The following ARAP2 variants were observed in gnomAD, a reference collection of about 807,000 sequenced individuals.
The protein encoded by ARAP2 is arf-GAP with Rho-GAP domain, ANK repeat and PH domain-containing protein 2.
In ARAP2, 148 loss-of-function variants were observed where a neutral mutation model predicts 194.5. The observed-to-expected ratio is 0.76, with a 90% CI of 0.67 to 0.87. The LOEUF (loss-of-function observed/expected upper bound fraction) is 0.87. ARAP2 is among the 40% of genes least tolerant of loss of function. The pLI is 0.00. For missense variants in ARAP2, 2,128 were observed against 1,989.7 expected, an observed-to-expected ratio of 1.07 and a Z score of -1.32; for synonymous variants, 695 against 683.5, an observed-to-expected ratio of 1.02 and a Z score of -0.26.
At chr4:36,038,367 T>C (rs1315380507) in intron 5 of ARAP2, among the ~76,000 whole-genome samples, 2 of 152,208 alleles carry the variant, frequency 1.3e-5, no homozygotes, top group African/African-American at 4.8e-5. Flanking sequence ...TTAAAAAGCC[T>C]CATGTGTTTC....
chr4:36,160,119 A>G, intron 13 of ARAP2: 1 of 995,966 alleles, frequency 1.0e-6, no homozygotes, highest in Non-Finnish European at 1.2e-6. Flanking sequence ...TTTGCCTTGA[A>G]ATAATAAGCT....
rs1285173569 is a variant in ARAP2, at chr4:36,136,806, T to C, written c.3264-3417A>G. The stretch of plus-strand genomic sequence containing the variant: ...ATATGTGTGTGTGTGTGTGTGTGTG[T>C]GTGTGTGTGTGTGCGTGTCTGTGTA... On this transcript the variant is annotated intron_variant, in intron 19 of 32. Coordinates refer to ENST00000303965, the MANE Select transcript of ARAP2 (RefSeq NM_015230.4). 6.2e-3 allele frequency among the ~76,000 whole-genome samples: 795 copies of C among 128,330 alleles called. 11 individuals carry two copies. Among genetic ancestry groups the C allele is most frequent in the African/African-American group, 0.02 (749 of 37,762 alleles). The allele number at this position is 128,330 out of a possible 152,430, so 84.2% of individuals were successfully genotyped here.
rs754531713 is a variant in ARAP2 at position 36,121,323 on chromosome 4, A to G, written c.3750T>C (p.Val1250=). The G allele has an allele frequency of 6.3e-7, 1 of 1,587,144 alleles. No individual in the cohort carries two copies. Among genetic ancestry groups the G allele is most frequent in the South Asian group, 1.2e-5 (1 of 86,392 alleles). ...TGTGATTGATTTCTGAGCATTTCTG[A>G]ACCCTGTCAGAGAAAAGCATAGTTT... ...LAAIIEHLYR[V]QKCSEINHMN... The change falls in exon 23 of 33, where the codon GTT becomes GTC. Residue 1250 remains valine (V), a synonymous_variant. Transcript: ENST00000303965.
intron 1 of ARAP2, among the ~76,000 whole-genome samples, chr4:36,239,138 T>C (rs1753018165): frequency 6.6e-6 from 1 of 152,006 alleles, no homozygotes; most frequent in South Asian, 2.1e-4. Context: ...TAGCAGGGCA[T>C]GGTGGCACAC....
At chr4:36,149,133 C>T (rs1254989433) in intron 16 of ARAP2, among the ~76,000 whole-genome samples, 1 of 152,108 alleles carries the variant, frequency 6.6e-6, no homozygotes, top group Non-Finnish European at 1.5e-5. Context: ...GTGTGCTATT[C>T]TTACCTAAAA....
intron 27 of ARAP2, among the ~76,000 whole-genome samples, chr4:36,103,723 T>C (rs1717637711): frequency 6.6e-6 from 1 of 151,782 alleles, no homozygotes; most frequent in African/African-American, 2.4e-5. Flanking sequence ...ACACACTTAC[T>C]CCTATCTAAC....
Position 36,048,738 on chromosome 4 carries a change from C to A in ARAP2, n.370-1889G>T, listed in dbSNP as rs188545450. ...GGGTATATAGCCAGCAATGGGATTA[C>A]TGGGTTGAATGGTACTTTTAAGTTT... On this transcript the variant is annotated intron_variant and non_coding_transcript_variant, in intron 3 of 12. Coordinates refer to the ARAP2 transcript ENST00000503225. 3.3e-5 allele frequency among the ~76,000 whole-genome samples: 5 copies of A among 152,106 alleles called. No homozygotes were observed. The East Asian group carries it at 9.7e-4, about 29-fold the overall frequency.
rs140494209 is a variant in ARAP2, at chr4:36,068,262, A to G, written c.4760T>C (p.Leu1587Pro). 2 of 1,555,190 alleles carry G rather than the reference A, an allele frequency of 1.3e-6. No homozygotes were observed. The highest frequency in any genetic ancestry group is 4.1e-5 in the Admixed American group (2 of 48,612). ...CTTTTCACTGAGCCGCAGCCTTTCAAGTTCTGCTCTTGCACTCTAAAAATA... is the reference window on the plus strand; with the variant it reads ...CTTTTCACTGAGCCGCAGCCTTTCAGGTTCTGCTCTTGCACTCTAAAAATA... ...RKNIESARAE[L>P]ERLRLSEKCD... The change falls in exon 33 of 33, where the codon CTT becomes CCT. Residue 1587 changes from leucine to proline, a missense_variant. Leu to Pro is a moderately conservative substitution (Grantham distance 98, BLOSUM62 -3). Transcript: ENST00000303965.
At chr4:36,205,538 G>A (rs927400667) in intron 6 of ARAP2, among the ~76,000 whole-genome samples, 8 of 151,468 alleles carry the variant, frequency 5.3e-5, no homozygotes, top group African/African-American at 1.7e-4. Flanking sequence ...ATTTATCAAA[G>A]TATGAACTGA....
intron 1 of ARAP2, chr4:36,243,951 G>T (rs1023911411): frequency 6.6e-6 from 1 of 152,226 alleles, no homozygotes; most frequent in Non-Finnish European, 1.5e-5. Flanking sequence ...CACCCTCCCG[G>T]GTCAAATCCC....
intron 15 of ARAP2, among the ~76,000 whole-genome samples, chr4:36,154,123 C>T (rs1435239873): frequency 6.6e-6 from 1 of 152,118 alleles, no homozygotes; most frequent in East Asian, 1.9e-4. Flanking sequence ...GAACTATATA[C>T]ATTCAACTCA....
At chr4:36,095,848 T>C (rs1041738556) in intron 27 of ARAP2, among the ~76,000 whole-genome samples, 1 of 152,102 alleles carries the variant, frequency 6.6e-6, no homozygotes, top group Non-Finnish European at 1.5e-5. Context: ...AGCCATGATA[T>C]GGTCATTATG....
At chr4:36,235,425 G>A (rs567964342) in intron 1 of ARAP2, among the ~76,000 whole-genome samples, 4 of 151,938 alleles carry the variant, frequency 2.6e-5, no homozygotes, top group South Asian at 4.1e-4. Context: ...CAGCATATAC[G>A]TATGTCTCCA....
chr4:36,140,706 G>A (rs1028789938), intron 19 of ARAP2, among the ~76,000 whole-genome samples: 4 of 151,616 alleles, frequency 2.6e-5, no homozygotes, highest in African/African-American at 7.3e-5. Flanking sequence ...ACTAAACTTA[G>A]GGTGCTAATC....
intron 13 of ARAP2, chr4:36,160,227 C>G (rs1227748414): frequency 6.3e-6 from 7 of 1,113,250 alleles, no homozygotes; most frequent in Admixed American, 5.4e-5. Context: ...CAGATTGTGG[C>G]AACAAGAGTT....
chr4:36,230,569 A>C (rs13136192), intron 1 of ARAP2, among the ~76,000 whole-genome samples: 64,414 of 152,104 alleles, frequency 0.42, 14,007 homozygotes, highest in Middle Eastern at 0.48. Flanking sequence ...ATTTTTCTCC[A>C]AAACAAAATA....
Position 36,117,061 on chromosome 4 carries a change from C to T in ARAP2, c.4038G>A (p.Arg1346=). ...CTTTACATCCACCTTTAGAACTTAC[C>T]CGAATTATAATACTACAGTCGGGTT... ...RKEPDCSIII[R]ISPVMEAEEL... Residue 1346 remains arginine, a splice_region_variant and synonymous_variant, in exon 25 of 33, where the codon CGG becomes CGA. Transcript: ENST00000303965. 1 of 1,582,486 alleles carries T rather than the reference C, an allele frequency of 6.3e-7. No homozygotes were observed. The highest frequency in any genetic ancestry group is 8.6e-7 in the Non-Finnish European group (1 of 1,166,296).
At chr4:36,081,269 G>A (rs1446613668) in intron 30 of ARAP2, among the ~76,000 whole-genome samples, 1 of 152,040 alleles carries the variant, frequency 6.6e-6, no homozygotes, top group African/African-American at 2.4e-5. Flanking sequence ...TAAGGCTTTG[G>A]GGCATTTGAG....
chr4:36,126,792 T>G (rs536912062), intron 21 of ARAP2, among the ~76,000 whole-genome samples: 1 of 152,072 alleles, frequency 6.6e-6, no homozygotes, highest in Non-Finnish European at 1.5e-5. Flanking sequence ...TGAAGACTTG[T>G]TTGTCACTCA....
Sources: gnomAD v4.1 joint callset for allele counts (sites outside exome capture counted in the v4.1 genomes callset) on GRCh38, gnomAD v4.1.1 for gene constraint, MANE v1.5 for transcripts, NCBI Gene and HGNC (gene_info 2026-07-23, HGNC 2026-07-21) for gene names.